CD27: variants seen among roughly 807,000 people sequenced by gnomAD.
CD27 encodes the protein CD27 molecule.
A neutral mutation model predicts 25.9 loss-of-function variants in CD27; 16 were observed. The observed-to-expected ratio is 0.62, with a 90% CI of 0.42 to 0.94. The LOEUF is 0.94. Ranked by LOEUF, CD27 falls within the 40% of genes least tolerant of loss-of-function variation. CD27 has a pLI of 0.00. For missense variants in CD27, 300 were observed against 333.2 expected, an observed-to-expected ratio of 0.90 and a Z score of 0.78; for synonymous variants, 142 against 124.3, an observed-to-expected ratio of 1.14 and a Z score of -0.95.
At chr12:6,449,896 A>G (rs974034564) in intron 2 of CD27, among the ~76,000 whole-genome samples, 1 of 152,172 alleles carries the variant, frequency 6.6e-6, no homozygotes, top group Non-Finnish European at 1.5e-5. Context: ...AGTACAAGAG[A>G]AAGTCATATA....
intron 2 of CD27, chr12:6,447,805 C>T (rs1565508892): frequency 6.6e-6 from 1 of 151,834 alleles, no homozygotes; most frequent in Non-Finnish European, 1.5e-5. Context: ...CACGACAGGC[C>T]CCAGTGTGTG....
At position 6,445,066 on chromosome 12, in the gene CD27, G is replaced by A. The variant is rs11569363; in HGVS notation, c.-30G>A. 215 of 1,583,480 alleles carry A rather than the reference G, an allele frequency of 1.4e-4. No individual in the cohort carries two copies. The East Asian group carries it at 4.0e-3, about 30-fold the overall frequency. Reference sequence around the variant, plus strand: ...TCCAGAGGCCAGCATCAGCAACTGGGCACAGAAAGGAGCCGCCTGGGCAGG... The same window carrying A: ...TCCAGAGGCCAGCATCAGCAACTGGACACAGAAAGGAGCCGCCTGGGCAGG... On this transcript the variant is annotated 5_prime_UTR_variant, in exon 1 of 6. Coordinates refer to ENST00000266557, the MANE Select transcript of CD27 (RefSeq NM_001242.5). This position sits in a 1 kb window ranked among gnomAD's most constrained non-coding sequence, Gnocchi z 4.5.
In CD27 at chr12:6,450,747, C is replaced by T; in HGVS notation, c.538+117C>T. 2 of 1,416,184 alleles carry T rather than the reference C, an allele frequency of 1.4e-6. No homozygotes were observed. The highest frequency in any genetic ancestry group is 1.2e-5 in the South Asian group (1 of 83,668). The allele number at this position is 1,416,184 out of a possible 1,614,324, so 87.7% of individuals were successfully genotyped here. On this transcript the variant is annotated intron_variant, in intron 4 of 5. Coordinates refer to ENST00000266557, the MANE Select transcript of CD27 (RefSeq NM_001242.5). The surrounding 1 kb of genome is among the most constrained non-coding windows in gnomAD (Gnocchi z 4.1). ...TAAGAGGAGGGGAAAAAGCAGAGTC[C>T]ACTGTTTAGGAGAGGAGTTGGCCAA...
intron 2 of CD27, chr12:6,447,774 CCCT>C (rs986742823): frequency 1.3e-5 from 2 of 148,462 alleles, no homozygotes; most frequent in Non-Finnish European, 3.0e-5. Flanking sequence ...CTAATGCTAT[CCCT>C]CCTCCCTCCC....
intron 5 of CD27, 78 bp from the exon 6 acceptor site, chr12:6,451,190 C>A (rs971338488): frequency 8.3e-6 from 13 of 1,573,192 alleles, no homozygotes; most frequent in East Asian, 2.2e-5. Context: ...CCCAAGCGCA[C>A]CCGCCTCTAC....
In CD27 at chr12:6,450,274, C is replaced by G. The variant is rs1174213781; in HGVS notation, c.370C>G (p.Pro124Ala). 2 of 1,613,964 alleles carry G rather than the reference C, an allele frequency of 1.2e-6. No homozygotes were observed. The highest frequency in any genetic ancestry group is 3.3e-5 in the Admixed American group (2 of 60,020). The change falls in exon 3 of 6, where the codon CCA (proline) becomes GCA (alanine). Residue 124 changes from proline (P) to alanine (A), a missense_variant. By Grantham distance (27) the Pro-to-Ala change is conservative (BLOSUM62 -1). Transcript: ENST00000266557. This position sits in a 1 kb window ranked among gnomAD's most constrained non-coding sequence, Gnocchi z 4.1. Reference protein sequence around the residue: ...DKECTECDPLPNPSLTARSSQ... With the variant: ...DKECTECDPLANPSLTARSSQ... The stretch of plus-strand genomic sequence containing the variant: ...GGAGTGCACCGAGTGTGATCCTCTT[C>G]CAAACCCTTCGCTGACCGCTCGGTC...
At position 6,450,699 on chromosome 12, in the gene CD27, CAG is replaced by C; in HGVS notation, c.538+71_538+72del. The C allele has an allele frequency of 6.7e-7, 1 of 1,487,408 alleles. No homozygotes were observed. The highest frequency in any genetic ancestry group is 1.1e-5 in the South Asian group (1 of 87,878). The allele number at this position is 1,487,408 out of a possible 1,614,324, so 92.1% of individuals were successfully genotyped here. ...ACGAGGGGCCAGGAGGGAAGCCAGA[CAG>C]AAAGCTCCTAGGATTAGGGATAAGA... On this transcript the variant is annotated intron_variant, in intron 4 of 5. Transcript: ENST00000266557. This position sits in a 1 kb window ranked among gnomAD's most constrained non-coding sequence, Gnocchi z 4.1.
upstream of CD27, among the ~76,000 whole-genome samples, chr12:6,443,987 G>A (rs1949380016): frequency 6.6e-6 from 1 of 152,178 alleles, no homozygotes; most frequent in Non-Finnish European, 1.5e-5. Context: ...CCCGAAATCA[G>A]TCTTGCTGGG....
intron 2 of CD27, among the ~76,000 whole-genome samples, chr12:6,448,450 A>G (rs1388954690): frequency 1.3e-5 from 2 of 151,990 alleles, no homozygotes; most frequent in Non-Finnish European, 2.9e-5. Context: ...CCAGCCACCC[A>G]GCATCGGACC....
rs1421172512 is a variant in CD27, at chr12:6,450,255, C to T, written c.351C>T (p.Cys117=). 6.2e-7 allele frequency: 1 copy of T among 1,613,924 alleles called. No individual in the cohort carries two copies. The change falls in exon 3 of 6, where the codon TGC becomes TGT. Residue 117 remains cysteine, a synonymous_variant. Transcript: ENST00000266557. This position sits in a 1 kb window ranked among gnomAD's most constrained non-coding sequence, Gnocchi z 4.1. The stretch of plus-strand genomic sequence containing the variant: ...GCTGGCAGTGCAGGGACAAGGAGTG[C>T]ACCGAGTGTGATCCTCTTCCAAACC... ...RNGWQCRDKE[C]TECDPLPNPS... is the part of the protein sequence containing the mutation.
chr12:6,449,445 A>T (rs1949479297), intron 2 of CD27, among the ~76,000 whole-genome samples: 1 of 149,554 alleles, frequency 6.7e-6, no homozygotes, highest in Admixed American at 6.8e-5. Flanking sequence ...GCTATTTTAT[A>T]TTTGTTGATC....
At position 6,445,490 on chromosome 12, in the gene CD27, G is replaced by A; in HGVS notation, c.203G>A (p.Gly68Glu). 1.2e-6 allele frequency: 2 copies of A among 1,614,092 alleles called. No individual in the cohort carries two copies. Among genetic ancestry groups the A allele is most frequent in the East Asian group, 2.2e-5 (1 of 44,882 alleles). Reference protein sequence around the residue: ...KAAQCDPCIPGVSFSPDHHTR... With the variant: ...KAAQCDPCIPEVSFSPDHHTR... ...GCTCAGTGTGATCCTTGCATACCGG[G>A]GGTCTCCTTCTCTCCTGACCACCAC... The change falls in exon 2 of 6, where the codon GGG (glycine) becomes GAG (glutamate). Residue 68 changes from glycine (G) to glutamate (E), a missense_variant. Gly to Glu is a moderately conservative substitution (Grantham distance 98). Transcript: ENST00000266557. The surrounding 1 kb of genome is among the most constrained non-coding windows in gnomAD (Gnocchi z 4.5).
At chr12:6,449,639 A>T (rs1288493825) in intron 2 of CD27, among the ~76,000 whole-genome samples, 1 of 152,176 alleles carries the variant, frequency 6.6e-6, no homozygotes, top group Non-Finnish European at 1.5e-5. Context: ...ACCTGAGGTC[A>T]GGAGTTTAAT....
In CD27 at chr12:6,451,368, A is replaced by G; in HGVS notation, c.759A>G (p.Lys253=). The change falls in exon 6 of 6, where the codon AAA becomes AAG. Residue 253 remains lysine (K), a synonymous_variant. Transcript: ENST00000266557. The part of the protein sequence containing the change: ...STIPIQEDYR[K]PEPACSP ...TCCCCATCCAGGAGGATTACCGAAA[A>G]CCGGAGCCTGCCTGCTCCCCCTGAG... 1.2e-6 allele frequency: 2 copies of G among 1,613,176 alleles called. No individual in the cohort carries two copies. The highest frequency in any genetic ancestry group is 1.7e-6 in the Non-Finnish European group (2 of 1,179,858).
rs1949398079 is a variant in CD27 at position 6,445,253 on chromosome 12, G to C, written c.136+22G>C. ...CCAGGTAAGAGGGGGCCTTGGTAAG[G>C]GCCAGGTGAGTGGCGAAAGAGAGAG... On this transcript the variant is annotated intron_variant, in intron 1 of 5. Coordinates refer to ENST00000266557, the MANE Select transcript of CD27 (RefSeq NM_001242.5). The surrounding 1 kb of genome is among the most constrained non-coding windows in gnomAD (Gnocchi z 4.5). 1 of 1,613,432 alleles carries C rather than the reference G, an allele frequency of 6.2e-7. No homozygotes were observed. Among genetic ancestry groups the C allele is most frequent in the African/African-American group, 1.3e-5 (1 of 74,868 alleles).
intron 2 of CD27, chr12:6,447,619 TTTTTGTTTTG>T (rs11569372): frequency 6.6e-6 from 1 of 152,032 alleles, no homozygotes; most frequent in African/African-American, 2.4e-5. Flanking sequence ...CACCTCATTG[TTTTTGTTTTG>T]TTTTGTTTTG....
At chr12:6,447,856 T>G (rs896191485) in intron 2 of CD27, 3 of 151,942 alleles carry the variant, frequency 2.0e-5, no homozygotes, top group African/African-American at 7.3e-5. Flanking sequence ...ATTGTTCAAT[T>G]CCCACCTACG....
intron 2 of CD27, chr12:6,448,886 G>A (rs1325242321): frequency 6.6e-6 from 1 of 152,006 alleles, no homozygotes; most frequent in Non-Finnish European, 1.5e-5. Context: ...TAACATTTTC[G>A]TTACCCCAGA....
intron 2 of CD27, among the ~76,000 whole-genome samples, chr12:6,449,370 G>A (rs577500200): frequency 6.9e-6 from 1 of 144,726 alleles, no homozygotes; most frequent in South Asian, 2.2e-4. Flanking sequence ...CTGGAGTGCA[G>A]TGGCGTGATC....
Sources: gnomAD v4.1 joint callset for allele counts (sites outside exome capture counted in the v4.1 genomes callset) on GRCh38, gnomAD v4.1.1 for gene constraint, Gnocchi (gnomAD v3.1) non-coding constraint, MANE v1.5 for transcripts, NCBI Gene and HGNC (gene_info 2026-07-23, HGNC 2026-07-21) for gene names.